PIKFYVE: variants seen among roughly 807,000 people sequenced by gnomAD.
PIKFYVE encodes phosphoinositide kinase, FYVE-type zinc finger containing, also known as 1-phosphatidylinositol 3-phosphate 5-kinase.
Under a neutral mutation model 257.9 loss-of-function variants are expected in PIKFYVE, and 122 were observed. The observed-to-expected ratio is 0.47, with a 90% CI of 0.41 to 0.55. The LOEUF is 0.55. Ranked by LOEUF, PIKFYVE falls within the 20% of genes least tolerant of loss-of-function variation. PIKFYVE has a pLI of 0.00. For missense variants in PIKFYVE, 2,160 were observed against 2,536.6 expected, an observed-to-expected ratio of 0.85 and a Z score of 3.19; for synonymous variants, 892 against 868.9, an observed-to-expected ratio of 1.03 and a Z score of -0.47.
chr2:208,285,680 C>T (rs757545039), intron 5 of PIKFYVE, 46 bp from the exon 6 acceptor site: 1 of 1,533,976 alleles, frequency 6.5e-7, no homozygotes, highest in Admixed American at 1.7e-5. Flanking sequence ...TTACTGCTAT[C>T]TTTTCCTTCA....
Position 208,355,963 on chromosome 2 carries a change from A to G in PIKFYVE, c.*658A>G, listed in dbSNP as rs1412724420. On this transcript the variant is annotated 3_prime_UTR_variant, in exon 42 of 42. Coordinates refer to ENST00000264380, the MANE Select transcript of PIKFYVE (RefSeq NM_015040.4). ...TTCTCTGTGGAAGACAGGAGGCTACAGCAATTAACTTTAAGCCTCCTTTTA... is the reference window on the plus strand; with the variant it reads ...TTCTCTGTGGAAGACAGGAGGCTACGGCAATTAACTTTAAGCCTCCTTTTA... The G allele has an allele frequency of 6.6e-6, 1 of 152,634 alleles. No homozygotes were observed. The highest frequency in any genetic ancestry group is 1.5e-5 in the Non-Finnish European group (1 of 68,048). The allele number at this position is 152,634 out of a possible 1,614,324, so 9.5% of individuals were successfully genotyped here.
rs1693292372 is a variant in PIKFYVE, at chr2:208,298,685, C to T, written c.956C>T (p.Pro319Leu). Residue 319 changes from proline to leucine, a missense_variant, in exon 8 of 42, where the codon CCT becomes CTT. Physicochemically the swap from Pro to Leu is moderately conservative, Grantham distance 98. Around this residue, in one of 12 missense-constraint regions of PIKFYVE, gnomAD observed 187 missense variants for 185.6 expected, o/e 1.01. Coordinates refer to ENST00000264380, the MANE Select transcript of PIKFYVE (RefSeq NM_015040.4). ...CTGTCACTGGATAGATCTGGTTCTCCTATGGTACCTTCATATGAGACATCT... is the reference window on the plus strand; with the variant it reads ...CTGTCACTGGATAGATCTGGTTCTCTTATGGTACCTTCATATGAGACATCT... ...TNLSLDRSGS[P>L]MVPSYETSVS... The T allele has an allele frequency of 6.2e-7, 1 of 1,613,872 alleles. No individual in the cohort carries two copies. The highest frequency in any genetic ancestry group is 8.5e-7 in the Non-Finnish European group (1 of 1,179,764).
chr2:208,332,999 C>G (rs957667589), intron 23 of PIKFYVE, among the ~76,000 whole-genome samples: 5 of 152,086 alleles, frequency 3.3e-5, no homozygotes, highest in African/African-American at 1.2e-4. Flanking sequence ...CTTTGGGAGG[C>G]TGAGGCAGGT....
At chr2:208,284,745 A>G (rs909768056) in intron 5 of PIKFYVE, among the ~76,000 whole-genome samples, 2 of 151,854 alleles carry the variant, frequency 1.3e-5, no homozygotes, top group East Asian at 3.9e-4. Flanking sequence ...TGTTGTTTCC[A>G]TTTGTGTTGG....
intron 40 of PIKFYVE, 34 bp from the exon 41 acceptor site, chr2:208,354,537 C>G: frequency 2.0e-6 from 3 of 1,509,142 alleles, no homozygotes; most frequent in Non-Finnish European, 2.8e-6. Context: ...ATTAACATAG[C>G]TTTATTGCTA....
intron 8 of PIKFYVE, 39 bp downstream of exon 8, chr2:208,298,818 G>A (rs1481910343): frequency 6.2e-7 from 1 of 1,611,758 alleles, no homozygotes; most frequent in Non-Finnish European, 8.5e-7. Flanking sequence ...CTAGTTTTGA[G>A]CATAGAGAAT....
intron 7 of PIKFYVE, among the ~76,000 whole-genome samples, chr2:208,295,907 T>A (rs1692914430): frequency 6.6e-6 from 1 of 152,214 alleles, no homozygotes; most frequent in Non-Finnish European, 1.5e-5. Context: ...AAAATGGTGA[T>A]TTTTCTAAGT....
intron 28 of PIKFYVE, among the ~76,000 whole-genome samples, chr2:208,338,065 G>A (rs1394965452): frequency 2.0e-5 from 3 of 151,942 alleles, no homozygotes; most frequent in Non-Finnish European, 4.4e-5. Flanking sequence ...TATGAAGCTA[G>A]ATTTTCTTCA....
intron 24 of PIKFYVE, among the ~76,000 whole-genome samples, chr2:208,333,950 A>C (rs1444845211): frequency 6.6e-6 from 1 of 152,144 alleles, no homozygotes. Flanking sequence ...GCCCTGGCCT[A>C]ACTCTTAACC....
chr2:208,302,182 TG>T, intron 9 of PIKFYVE, 59 bp from the exon 10 acceptor site: 1 of 1,392,460 alleles, frequency 7.2e-7, no homozygotes, highest in Non-Finnish European at 1.0e-6. Flanking sequence ...GTGTCTTATC[TG>T]GTACTTAACT....
chr2:208,294,964 C>T (rs1574490546), intron 7 of PIKFYVE, among the ~76,000 whole-genome samples: 1 of 152,330 alleles, frequency 6.6e-6, no homozygotes, highest in African/African-American at 2.4e-5. Context: ...AAAGCATCCC[C>T]ACTACCCCCA....
At position 208,352,663 on chromosome 2, in the gene PIKFYVE, G is replaced by T; in HGVS notation, c.5725G>T (p.Ala1909Ser). 1 of 1,613,570 alleles carries T rather than the reference G, an allele frequency of 6.2e-7. No homozygotes were observed. Among genetic ancestry groups the T allele is most frequent in the Non-Finnish European group, 8.5e-7 (1 of 1,179,718 alleles). Residue 1909 changes from alanine (A) to serine (S), a missense_variant, in exon 39 of 42, where the codon GCG (alanine) becomes TCG (serine). This residue lies in a region of PIKFYVE where 699 missense variants were observed against 855.8 expected (regional missense o/e 0.82). Transcript: ENST00000264380. ...TNAVQQKRPT[A>S]LAKILGVYRI... is the part of the protein sequence containing the mutation. ...ACCTTCTCTTGATTAGAGGCCCACG[G>T]CGTTGGCCAAAATTCTTGGAGTTTA...
intron 32 of PIKFYVE, among the ~76,000 whole-genome samples, chr2:208,342,975 A>G (rs1448103842): frequency 1.3e-5 from 2 of 151,920 alleles, no homozygotes; most frequent in East Asian, 3.9e-4. Context: ...TTGTATTTTT[A>G]GTAGAGATGG....
At position 208,357,708 on chromosome 2, in the gene PIKFYVE, A is replaced by G. The variant is rs920742544; in HGVS notation, c.*2403A>G. The stretch of plus-strand genomic sequence containing the variant: ...TGCTGCTCTTGTTTAGGCCACTATC[A>G]TAGATATATTTCAAATATTGTACTA... On this transcript the variant is annotated 3_prime_UTR_variant, in exon 42 of 42. Transcript: ENST00000264380. 1 of 152,238 alleles carries G rather than the reference A, an allele frequency of 6.6e-6. No homozygotes were observed. Among genetic ancestry groups the G allele is most frequent in the African/African-American group, 2.4e-5 (1 of 41,464 alleles). The allele number at this position is 152,238 out of a possible 1,614,324, so 9.4% of individuals were successfully genotyped here. A position where few individuals can be genotyped will look rare whatever the true frequency, so the allele number is the denominator to read the frequency against.
At chr2:208,350,728 T>C (rs1559176350) in intron 36 of PIKFYVE, 43 bp from the exon 37 acceptor site, 3 of 1,603,946 alleles carry the variant, frequency 1.9e-6, no homozygotes, top group East Asian at 2.2e-5. Flanking sequence ...AAAGATATTT[T>C]CTGAGTCATA....
At position 208,351,343 on chromosome 2, in the gene PIKFYVE, G is replaced by C; in HGVS notation, c.5612-9G>C. On this transcript the variant is annotated splice_polypyrimidine_tract_variant and intron_variant, in intron 37 of 41. Coordinates refer to ENST00000264380, the MANE Select transcript of PIKFYVE (RefSeq NM_015040.4). ...GATTGAGTAAACACATAAAATTTCT[G>C]CCTTTTAGATGATAGATTTATTTTG... 6.3e-7 allele frequency: 1 copy of C among 1,591,504 alleles called. No individual in the cohort carries two copies. Among genetic ancestry groups the C allele is most frequent in the Non-Finnish European group, 8.6e-7 (1 of 1,159,656 alleles).
At chr2:208,276,880 C>G in intron 4 of PIKFYVE, 50 bp downstream of exon 4, 1 of 1,432,678 alleles carries the variant, frequency 7.0e-7, no homozygotes, top group Non-Finnish European at 9.8e-7. Context: ...TTATGGGGAT[C>G]ATGCCATACC....
Position 208,342,571 on chromosome 2 carries a change from A to C in PIKFYVE, c.4949A>C (p.Tyr1650Ser), listed in dbSNP as rs1373335683. Residue 1650 changes from tyrosine to serine, a missense_variant, in exon 32 of 42, where the codon TAC becomes TCC. Tyr to Ser is a moderately radical substitution (Grantham distance 144). Transcript: ENST00000264380. ...TTGCATAGTGATCCAGATAAACACT[A>C]CTTAATGTATGAACATGAACGAGTG... ...IPFPFDPDKH[Y>S]LMYEHERVPI... 1 of 1,613,524 alleles carries C rather than the reference A, an allele frequency of 6.2e-7. No individual in the cohort carries two copies. The highest frequency in any genetic ancestry group is 1.1e-5 in the South Asian group (1 of 91,082).
At chr2:208,327,647 G>A (rs747715476) in intron 20 of PIKFYVE, among the ~76,000 whole-genome samples, 6 of 152,182 alleles carry the variant, frequency 3.9e-5, no homozygotes, top group Non-Finnish European at 8.8e-5. Context: ...AAACCACAGA[G>A]TCAAACTCCG....
Sources: gnomAD v4.1 joint callset for allele counts (sites outside exome capture counted in the v4.1 genomes callset) on GRCh38, gnomAD v4.1.1 for gene constraint, gnomAD v4.1.1 regional missense constraint, MANE v1.5 for transcripts, NCBI Gene and HGNC (gene_info 2026-07-23, HGNC 2026-07-21) for gene names.